Variants in ATP10D observed in about 807,000 individuals in gnomAD.
ATP10D encodes the protein phospholipid-transporting ATPase VD.
In ATP10D, 89 loss-of-function variants were observed where a neutral mutation model predicts 144.8. That is an observed-to-expected ratio of 0.61 (90% CI 0.52 to 0.73). The LOEUF (loss-of-function observed/expected upper bound fraction) is 0.73. ATP10D is among the 30% of genes least tolerant of loss of function. The pLI is 0.00. For synonymous variants in ATP10D, 571 were observed against 615.1 expected (o/e 0.93, Z 1.06); for missense variants, 1,603 against 1,714.8 (o/e 0.93, Z 1.15).
intron 21 of ATP10D, among the ~76,000 whole-genome samples, chr4:47,584,461 C>A (rs1458239758): frequency 6.6e-6 from 1 of 152,186 alleles, no homozygotes; most frequent in Non-Finnish European, 1.5e-5. Context: ...GGCACTATCT[C>A]TGCTCACTGC....
intron 7 of ATP10D, 147 bp from the exon 8 acceptor site, chr4:47,536,290 C>T (rs1399170605): frequency 1.7e-6 from 2 of 1,147,936 alleles, no homozygotes; most frequent in Non-Finnish European, 2.5e-6. Context: ...AATGTATAGC[C>T]TTTTGAATTT....
At chr4:47,588,968 C>T (rs1329940569) in intron 22 of ATP10D, among the ~76,000 whole-genome samples, 1 of 152,126 alleles carries the variant, frequency 6.6e-6, no homozygotes, top group Non-Finnish European at 1.5e-5. Flanking sequence ...AAGAACTTTG[C>T]ATGAGTGATT....
At chr4:47,532,973 T>TACC (rs1717646923) in intron 5 of ATP10D, among the ~76,000 whole-genome samples, 1 of 152,162 alleles carries the variant, frequency 6.6e-6, no homozygotes, top group African/African-American at 2.4e-5. Flanking sequence ...GAAGGTACCA[T>TACC]ACCGTAAGTG....
In ATP10D at chr4:47,591,760, G is replaced by C. The variant is rs4145947; in HGVS notation, c.*379G>C. The C allele has an allele frequency of 6.4e-6, 1 of 156,282 alleles. No homozygotes were observed. Among genetic ancestry groups the C allele is most frequent in the Non-Finnish European group, 1.4e-5 (1 of 71,128 alleles). 9.7% of individuals were successfully genotyped at this position (156,282 alleles called of 1,614,324 possible). A position where few individuals can be genotyped will look rare whatever the true frequency, so the allele number is the denominator to read the frequency against. On this transcript the variant is annotated 3_prime_UTR_variant, in exon 23 of 23. Coordinates refer to ENST00000273859, the MANE Select transcript of ATP10D (RefSeq NM_020453.4). ...AAATGCTTTAAATGGTCAGGCTCCA[G>C]TCGGAATTTTTTTAAGAAAAAAGTA...
At chr4:47,547,021 AAACAAAC>A (rs1718477385) in intron 10 of ATP10D, 159 bp downstream of exon 10, 1 of 661,392 alleles carries the variant, frequency 1.5e-6, no homozygotes, top group Admixed American at 2.9e-5. Flanking sequence ...TTAGAAGTAT[AAACAAAC>A]AATATCACAC....
intron 14 of ATP10D, among the ~76,000 whole-genome samples, chr4:47,562,844 T>TATAC (rs1553899121): frequency 1.2e-4 from 18 of 151,360 alleles, no homozygotes; most frequent in African/African-American, 3.9e-4. Context: ...TATATATATA[T>TATAC]ACACACACAC....
chr4:47,503,977 C>T (rs1444229095), intron 1 of ATP10D, among the ~76,000 whole-genome samples: 1 of 151,984 alleles, frequency 6.6e-6, no homozygotes, highest in East Asian at 1.9e-4. Context: ...TGACATATTA[C>T]CCTTGCCTGA....
intron 4 of ATP10D, 71 bp downstream of exon 4, chr4:47,523,287 A>G (rs956650701): frequency 1.2e-5 from 15 of 1,232,158 alleles, no homozygotes; most frequent in Non-Finnish European, 1.8e-5. Context: ...TCATTTTCAC[A>G]TTACAGATAA....
At chr4:47,504,023 C>T (rs773403576) in intron 1 of ATP10D, among the ~76,000 whole-genome samples, 43 of 152,116 alleles carry the variant, frequency 2.8e-4, no homozygotes, top group Non-Finnish European at 4.6e-4. Flanking sequence ...AATATGTACT[C>T]CTACTGGGGA....
In ATP10D at chr4:47,536,026, C is replaced by T. The variant is rs377297409; in HGVS notation, c.1008C>T (p.Gly336=). ...VMLLVIMCLT[G]AVGHGIWLSR... is the part of the protein sequence containing the mutation. ...TTCTGGTCATAATGTGCTTAACTGGCGCAGTAGGTAGGTAAAATTTGATTA... is the reference window on the plus strand; with the variant it reads ...TTCTGGTCATAATGTGCTTAACTGGTGCAGTAGGTAGGTAAAATTTGATTA... Residue 336 remains glycine (G), a synonymous_variant, in exon 7 of 23, where the codon GGC becomes GGT. Transcript: ENST00000273859. 80 of 1,605,130 alleles carry T rather than the reference C, an allele frequency of 5.0e-5. No individual in the cohort carries two copies. The highest frequency in any genetic ancestry group is 2.8e-4 in the Admixed American group (16 of 57,736).
intron 22 of ATP10D, among the ~76,000 whole-genome samples, chr4:47,587,773 C>T (rs530656037): frequency 1.3e-5 from 2 of 152,244 alleles, no homozygotes; most frequent in East Asian, 1.9e-4. Context: ...TGCCTTATCA[C>T]CTCTTAAAGG....
intron 1 of ATP10D, among the ~76,000 whole-genome samples, chr4:47,509,211 T>C (rs577514244): frequency 6.7e-6 from 1 of 148,686 alleles, no homozygotes; most frequent in African/African-American, 2.5e-5. Flanking sequence ...TTAAATCTGA[T>C]ATTTTCAAAC....
intron 9 of ATP10D, among the ~76,000 whole-genome samples, 199 bp from the exon 10 acceptor site, chr4:47,546,425 G>A (rs73237093): frequency 0.011 from 1,622 of 152,276 alleles, 16 homozygotes; most frequent in Middle Eastern, 0.017. Context: ...GATGGAAAAA[G>A]AAGGGAATTT....
intron 3 of ATP10D, among the ~76,000 whole-genome samples, chr4:47,516,789 C>T (rs975145077): frequency 2.0e-5 from 3 of 150,018 alleles, no homozygotes; most frequent in Admixed American, 6.6e-5. Context: ...CCAGTCTAAA[C>T]GAAACCAGAA....
chr4:47,499,862 T>G (rs1200696668), intron 1 of ATP10D, among the ~76,000 whole-genome samples: 1 of 152,206 alleles, frequency 6.6e-6, no homozygotes, highest in East Asian at 1.9e-4. Flanking sequence ...AAGTCCTATT[T>G]GTTTTATTTC....
At chr4:47,544,368 C>G (rs151032659) in intron 9 of ATP10D, among the ~76,000 whole-genome samples, 195 of 152,198 alleles carry the variant, frequency 1.3e-3, no homozygotes, top group African/African-American at 4.5e-3. Context: ...AACTAAACTT[C>G]TAAAGATGTT....
Position 47,558,028 on chromosome 4 carries a change from A to T in ATP10D, c.2189A>T (p.Glu730Val). ...TGTTATGAGGCCGAGAGCCCAGACG[A>T]AGCGGCCTTAGTGTATGCCGCCAGG... ...NLCYEAESPD[E>V]AALVYAARAY... The change falls in exon 12 of 23, where the codon GAA becomes GTA. Residue 730 changes from glutamate (E) to valine (V), a missense_variant. Coordinates refer to ENST00000273859, the MANE Select transcript of ATP10D (RefSeq NM_020453.4). 1.2e-6 allele frequency: 2 copies of T among 1,614,184 alleles called. No individual in the cohort carries two copies. Among genetic ancestry groups the T allele is most frequent in the Non-Finnish European group, 1.7e-6 (2 of 1,180,022 alleles).
intron 18 of ATP10D, among the ~76,000 whole-genome samples, chr4:47,575,491 C>G (rs1560454431): frequency 6.6e-6 from 1 of 152,172 alleles, no homozygotes; most frequent in Non-Finnish European, 1.5e-5. Context: ...CCCAAGCAAG[C>G]TGGGATGGCT....
intron 9 of ATP10D, among the ~76,000 whole-genome samples, chr4:47,539,825 A>G (rs1718040377): frequency 6.6e-6 from 1 of 152,222 alleles, no homozygotes; most frequent in Non-Finnish European, 1.5e-5. Flanking sequence ...TGTGTTCATA[A>G]CATTTCAAAG....
Sources: allele counts gnomAD v4.1 joint callset (sites outside exome capture counted in the v4.1 genomes callset), GRCh38; gene constraint gnomAD v4.1.1; transcripts MANE v1.5; gene names NCBI Gene and HGNC (gene_info 2026-07-23, HGNC 2026-07-21).